The following NIM1K variants were observed in gnomAD, a reference collection of about 807,000 sequenced individuals.
NIM1K encodes serine/threonine-protein kinase NIM1.
Under a neutral mutation model 37.1 loss-of-function variants are expected in NIM1K, and 35 were observed. The ratio of observed to expected loss-of-function variants is 0.94; its 90% CI spans 0.72 to 1.25. NIM1K has a LOEUF of 1.25. NIM1K is among the 50% of genes most tolerant of loss of function. The pLI, the probability that NIM1K is intolerant of heterozygous loss-of-function variation, is 0.00. For missense variants in NIM1K, 564 were observed against 548.0 expected, an observed-to-expected ratio of 1.03 and a Z score of -0.29; for synonymous variants, 234 against 206.6, an observed-to-expected ratio of 1.13 and a Z score of -1.14.
chr5:43,260,483 T>C (rs1051560534), intron 2 of NIM1K, among the ~76,000 whole-genome samples: 2 of 152,204 alleles, frequency 1.3e-5, no homozygotes, highest in African/African-American at 2.4e-5. Flanking sequence ...CATAGAGCAA[T>C]GCTGGATTTT....
Position 43,207,000 on chromosome 5 carries a change from G to C in NIM1K, c.-695+14589G>C, listed in dbSNP as rs922340339. On this transcript the variant is annotated intron_variant, in intron 1 of 3. Transcript: ENST00000326035. ...AACAAAGCGGAATTGAGTCAGGACA[G>C]TACTGGGCGGGTAAAACAATTACCA... is the stretch of plus-strand genomic sequence containing the variant. 16 of 753,116 alleles carry C rather than the reference G, an allele frequency of 2.1e-5. No homozygotes were observed. In the Admixed American group the frequency reaches 2.8e-4, roughly 13 times the overall value. 46.7% of individuals were successfully genotyped at this position (753,116 alleles called of 1,614,324 possible). A position where few individuals can be genotyped will look rare whatever the true frequency, so the allele number is the denominator to read the frequency against.
chr5:43,193,791 A>G (rs1278616104), intron 1 of NIM1K: 1 of 152,148 alleles, frequency 6.6e-6, no homozygotes, highest in African/African-American at 2.4e-5. Context: ...TTGCAACAGC[A>G]CTTCTAATTC....
At chr5:43,223,644 T>G (rs1196296436) in intron 1 of NIM1K, among the ~76,000 whole-genome samples, 1 of 152,160 alleles carries the variant, frequency 6.6e-6, no homozygotes, top group African/African-American at 2.4e-5. Flanking sequence ...TGTTAAATGA[T>G]TACCATGGCA....
chr5:43,244,320 G>T (rs568594271), intron 1 of NIM1K, among the ~76,000 whole-genome samples: 10 of 152,338 alleles, frequency 6.6e-5, no homozygotes, highest in African/African-American at 1.9e-4. Flanking sequence ...GAGAGAGGAG[G>T]TGAGCAGGAC....
At position 43,241,581 on chromosome 5, in the gene NIM1K, C is replaced by T. The variant is rs930854428; in HGVS notation, c.-694-3501C>T. Among the ~76,000 whole-genome samples the T allele has an allele frequency of 1.3e-5, 2 of 151,738 alleles. 1 individual carries two copies. The highest frequency in any genetic ancestry group is 4.9e-5 in the African/African-American group (2 of 41,138). On this transcript the variant is annotated intron_variant, in intron 1 of 3. Coordinates refer to ENST00000326035, the MANE Select transcript of NIM1K (RefSeq NM_153361.4). The stretch of plus-strand genomic sequence containing the variant: ...ATATCGATCTCTTGACCTCGTGATC[C>T]CCCACCTCAGCCTCCCAAAGTGCTG...
intron 2 of NIM1K, among the ~76,000 whole-genome samples, chr5:43,270,217 A>G (rs1753235002): frequency 6.6e-6 from 1 of 152,170 alleles, no homozygotes; most frequent in Non-Finnish European, 1.5e-5. Flanking sequence ...TGCTGAGGGG[A>G]AGATTTTTAT....
chr5:43,214,486 A>G (rs933670694), intron 1 of NIM1K, among the ~76,000 whole-genome samples: 7 of 152,154 alleles, frequency 4.6e-5, no homozygotes, highest in African/African-American at 1.7e-4. Context: ...TAGATGTCCA[A>G]TTACATGAAT....
chr5:43,209,982 G>T (rs1161226578), intron 1 of NIM1K, among the ~76,000 whole-genome samples: 1 of 152,116 alleles, frequency 6.6e-6, no homozygotes, highest in Non-Finnish European at 1.5e-5. Flanking sequence ...ACTCTTCCCT[G>T]GTGCCCAGAA....
In NIM1K at chr5:43,280,055, G is replaced by A; in HGVS notation, c.637G>A (p.Gly213Ser). 1 of 1,614,112 alleles carries A rather than the reference G, an allele frequency of 6.2e-7. No individual in the cohort carries two copies. Among genetic ancestry groups the A allele is most frequent in the Non-Finnish European group, 8.5e-7 (1 of 1,180,006 alleles). ...TACCAGTAATACTTGTGTGAAGGTG[G>A]GCGATTTTGGATTCAGCACAGTAAG... ...FYTSNTCVKV[G>S]DFGFSTVSKK... The change falls in exon 4 of 4, where the codon GGC becomes AGC. Residue 213 changes from glycine (G) to serine (S), a missense_variant. Coordinates refer to ENST00000326035, the MANE Select transcript of NIM1K (RefSeq NM_153361.4).
intron 2 of NIM1K, among the ~76,000 whole-genome samples, chr5:43,253,663 G>GTTT (rs756961168): frequency 6.9e-6 from 1 of 143,896 alleles, no homozygotes; most frequent in Non-Finnish European, 1.5e-5. Flanking sequence ...CTACTGAAGA[G>GTTT]TTTTTTTTTT....
At chr5:43,244,057 T>C (rs1752742652) in intron 1 of NIM1K, among the ~76,000 whole-genome samples, 1 of 152,168 alleles carries the variant, frequency 6.6e-6, no homozygotes, top group Non-Finnish European at 1.5e-5. Context: ...CAACCTCCTC[T>C]TTACTTCCCT....
At chr5:43,198,135 CTT>C (rs1275893767) in intron 1 of NIM1K, among the ~76,000 whole-genome samples, 1 of 38,040 alleles carries the variant, frequency 2.6e-5, no homozygotes, top group African/African-American at 9.5e-5. Context: ...AATATGATTT[CTT>C]TCTTTCTTTC....
At chr5:43,231,283 G>A (rs1752534466) in intron 1 of NIM1K, among the ~76,000 whole-genome samples, 1 of 152,200 alleles carries the variant, frequency 6.6e-6, no homozygotes, top group South Asian at 2.1e-4. Flanking sequence ...CATTACTGCA[G>A]TCCAGCCTGA....
Position 43,280,363 on chromosome 5 carries a change from A to G in NIM1K, c.945A>G (p.Gly315=). Residue 315 remains glycine (G), a synonymous_variant, in exon 4 of 4, where the codon GGA becomes GGG. Coordinates refer to ENST00000326035, the MANE Select transcript of NIM1K (RefSeq NM_153361.4). ...VLQQIPTERY[G]IDCIMNDEWM... ...AGCAGATCCCCACGGAGAGGTACGG[A>G]ATCGACTGCATCATGAATGATGAAT... 6.2e-7 allele frequency: 1 copy of G among 1,614,158 alleles called. No homozygotes were observed. Among genetic ancestry groups the G allele is most frequent in the Non-Finnish European group, 8.5e-7 (1 of 1,180,040 alleles).
At chr5:43,273,421 G>A (rs954430037) in intron 2 of NIM1K, among the ~76,000 whole-genome samples, 3 of 152,004 alleles carry the variant, frequency 2.0e-5, no homozygotes, top group African/African-American at 7.3e-5. Flanking sequence ...ATCTTGACCA[G>A]GCTGGTCTTG....
chr5:43,222,669 G>A (rs988566462), intron 1 of NIM1K, among the ~76,000 whole-genome samples: 1 of 151,946 alleles, frequency 6.6e-6, no homozygotes, highest in Non-Finnish European at 1.5e-5. Context: ...AGGAGTTCGA[G>A]GCTGCAGTGA....
At chr5:43,255,941 A>C (rs1481906105) in intron 2 of NIM1K, among the ~76,000 whole-genome samples, 3 of 151,754 alleles carry the variant, frequency 2.0e-5, no homozygotes, top group Non-Finnish European at 2.9e-5. Flanking sequence ...AAGAGTGTCC[A>C]GATGGGAGAT....
intron 2 of NIM1K, among the ~76,000 whole-genome samples, chr5:43,269,653 C>T (rs1753225630): frequency 6.6e-6 from 1 of 151,826 alleles, no homozygotes; most frequent in Non-Finnish European, 1.5e-5. Context: ...GAGTCTTGCT[C>T]TGTCACCCAG....
intron 1 of NIM1K, chr5:43,232,592 T>A: frequency 6.4e-7 from 1 of 1,567,870 alleles, no homozygotes; most frequent in Admixed American, 1.7e-5. Context: ...TGCTCCAGGG[T>A]GGTGTGGGAG....
Sources: allele counts gnomAD v4.1 joint callset (sites outside exome capture counted in the v4.1 genomes callset), GRCh38; gene constraint gnomAD v4.1.1; transcripts MANE v1.5; gene names NCBI Gene and HGNC (gene_info 2026-07-23, HGNC 2026-07-21).